Variants in ITGB3 observed in about 807,000 individuals in gnomAD.
ITGB3 encodes the protein integrin subunit beta 3.
ITGB3 carries 48 observed loss-of-function variants against 85.8 expected under a neutral mutation model. That is an observed-to-expected ratio of 0.56 (90% confidence interval 0.44 to 0.71). ITGB3 has a LOEUF of 0.71. Ranked by LOEUF, ITGB3 falls within the 30% of genes least tolerant of loss-of-function variation. The pLI, the probability that ITGB3 is intolerant of heterozygous loss-of-function variation, is 0.00. For missense variants in ITGB3, 861 were observed against 1,019.1 expected, an observed-to-expected ratio of 0.84 and a Z score of 2.11; for synonymous variants, 363 against 395.6, an observed-to-expected ratio of 0.92 and a Z score of 0.98.
intron 10 of ITGB3, among the ~76,000 whole-genome samples, chr17:47,295,900 C>T (rs992387387): frequency 2.0e-5 from 3 of 152,190 alleles, no homozygotes; most frequent in Non-Finnish European, 4.4e-5. Flanking sequence ...CTGTCTTGCC[C>T]CTAGATGTTG....
At chr17:47,291,201 G>A (rs1446428554) in intron 9 of ITGB3, 113 bp downstream of exon 9, 1 of 1,240,528 alleles carries the variant, frequency 8.1e-7, no homozygotes, top group Non-Finnish European at 1.2e-6. Context: ...AAAAATATGG[G>A]CAAGAAAAAT....
chr17:47,297,875 CTG>C (rs1248115556), intron 10 of ITGB3, among the ~76,000 whole-genome samples: 4 of 97,290 alleles, frequency 4.1e-5, no homozygotes, highest in Non-Finnish European at 8.2e-5. Context: ...GGGTGAGACT[CTG>C]TCTCAAAAAA....
chr17:47,295,639 C>A (rs890912790), intron 10 of ITGB3, among the ~76,000 whole-genome samples: 4 of 152,168 alleles, frequency 2.6e-5, no homozygotes, highest in Non-Finnish European at 4.4e-5. Context: ...CTTTGTTTAG[C>A]CTCACAAAGG....
intron 5 of ITGB3, 84 bp from the exon 6 acceptor site, chr17:47,286,986 C>A: frequency 1.4e-6 from 2 of 1,416,056 alleles, no homozygotes; most frequent in Non-Finnish European, 2.0e-6. Context: ...AGCCAGGGAG[C>A]ACCTTGGGTC....
intron 1 of ITGB3, among the ~76,000 whole-genome samples, chr17:47,256,203 C>T (rs1043902027): frequency 6.6e-6 from 1 of 152,026 alleles, no homozygotes; most frequent in African/African-American, 2.4e-5. Context: ...CGGTGGCTCA[C>T]GCCTGTAATC....
In ITGB3 at chr17:47,299,551, G is replaced by A. The variant is rs145826408; in HGVS notation, c.1913+21G>A. 3.0e-5 allele frequency: 49 copies of A among 1,608,422 alleles called. No homozygotes were observed. The East Asian group carries it at 1.1e-3, about 36-fold the overall frequency. On this transcript the variant is annotated intron_variant, in intron 11 of 14. Coordinates refer to ENST00000559488, the MANE Select transcript of ITGB3 (RefSeq NM_000212.3). The surrounding 1 kb of genome is among the most constrained non-coding windows in gnomAD (Gnocchi z 5.1). ...AAGAAGTGAGTGTGGAGTCTGGAGA[G>A]AGCCGGGAGGCTGGGAGGTAGGAGA...
chr17:47,300,427 G>T (rs748120221), intron 11 of ITGB3, 51 bp from the exon 12 acceptor site: 1 of 1,354,944 alleles, frequency 7.4e-7, no homozygotes, highest in East Asian at 2.3e-5. Flanking sequence ...ACTGGGATAC[G>T]CTTAGGCTTG....
rs548495900 is a variant in ITGB3 at position 47,253,919 on chromosome 17, C to T, written c.58C>T (p.Leu20=). ...LWATVLALGA[L]AGVGVGGPNI... is the part of the protein sequence containing the mutation. ...GGCGACTGTGCTGGCGCTGGGGGCG[C>T]TGGCGGGCGTTGGCGTAGGAGGTGA... is the stretch of plus-strand genomic sequence containing the variant. The change falls in exon 1 of 15, where the codon CTG becomes TTG. Residue 20 remains leucine, a synonymous_variant. Coordinates refer to ENST00000559488, the MANE Select transcript of ITGB3 (RefSeq NM_000212.3). 6.1e-4 allele frequency: 869 copies of T among 1,414,502 alleles called. 5 individuals are homozygous for T. The African/African-American group carries it at 0.012, about 19-fold the overall frequency. The allele number at this position is 1,414,502 out of a possible 1,614,324, so 87.6% of individuals were successfully genotyped here.
intron 12 of ITGB3, among the ~76,000 whole-genome samples, 179 bp from the exon 13 acceptor site, chr17:47,302,538 CAGTG>C (rs1448276581): frequency 6.6e-6 from 1 of 152,218 alleles, no homozygotes; most frequent in African/African-American, 2.4e-5. Flanking sequence ...CAAAATACAT[CAGTG>C]AGTGTCAGTG....
In ITGB3 at chr17:47,289,752, T is replaced by A. The variant is rs1409889401; in HGVS notation, c.1011T>A (p.Thr337=). The A allele has an allele frequency of 5.0e-6, 8 of 1,613,844 alleles. No homozygotes were observed. The East Asian group carries it at 1.8e-4, about 36-fold the overall frequency. Residue 337 remains threonine, a synonymous_variant, in exon 7 of 15, where the codon ACT becomes ACA. Transcript: ENST00000559488. ...ACATCAATTTGATCTTTGCAGTGACTGAAAATGTAGTCAATCTCTATCAGG... is the reference window on the plus strand; with the variant it reads ...ACATCAATTTGATCTTTGCAGTGACAGAAAATGTAGTCAATCTCTATCAGG... The part of the protein sequence containing the change: ...QKNINLIFAV[T]ENVVNLYQNY...
At chr17:47,267,694 C>A (rs1198762883) in intron 1 of ITGB3, among the ~76,000 whole-genome samples, 1 of 152,166 alleles carries the variant, frequency 6.6e-6, no homozygotes, top group Non-Finnish European at 1.5e-5. Flanking sequence ...CCTCTGGGGT[C>A]AGGGACCATT....
In ITGB3 at chr17:47,261,605, C is replaced by T. The variant is rs148921761; in HGVS notation, c.79+7665C>T. Reference sequence around the variant, plus strand: ...TGTGATCCCAGCTCACTGCAACCTCCGCCTCCTGGGTTCAAGCAATTCTCC... The same window carrying T: ...TGTGATCCCAGCTCACTGCAACCTCTGCCTCCTGGGTTCAAGCAATTCTCC... On this transcript the variant is annotated intron_variant, in intron 1 of 14. Coordinates refer to ENST00000559488, the MANE Select transcript of ITGB3 (RefSeq NM_000212.3). Among the ~76,000 whole-genome samples, 49 of 151,586 alleles carry T rather than the reference C, an allele frequency of 3.2e-4. No homozygotes were observed. In the East Asian group the frequency reaches 8.8e-3, roughly 27 times the overall value.
chr17:47,264,461 A>G (rs963358703), intron 1 of ITGB3, among the ~76,000 whole-genome samples: 1 of 152,204 alleles, frequency 6.6e-6, no homozygotes, highest in Non-Finnish European at 1.5e-5. Context: ...TACATTTCTA[A>G]TTGAATAATA....
chr17:47,282,714 G>A (rs572159349), intron 2 of ITGB3, among the ~76,000 whole-genome samples: 10 of 152,258 alleles, frequency 6.6e-5, no homozygotes, highest in South Asian at 2.1e-4. Context: ...AGTCTAGCCC[G>A]TGTCAAATAC....
At chr17:47,304,562 T>C (rs970206309) in intron 13 of ITGB3, among the ~76,000 whole-genome samples, 5 of 152,194 alleles carry the variant, frequency 3.3e-5, no homozygotes, top group African/African-American at 1.2e-4. Flanking sequence ...TATCTGAAAT[T>C]CAGATTTGTC....
At chr17:47,280,326 T>C (rs2065079368) in intron 2 of ITGB3, among the ~76,000 whole-genome samples, 1 of 152,000 alleles carries the variant, frequency 6.6e-6, no homozygotes, top group African/African-American at 2.4e-5. Flanking sequence ...ACTTTAAGCA[T>C]TGGGAAGGGT....
At chr17:47,257,215 G>A (rs1455280223) in intron 1 of ITGB3, among the ~76,000 whole-genome samples, 1 of 152,222 alleles carries the variant, frequency 6.6e-6, no homozygotes, top group Non-Finnish European at 1.5e-5. Flanking sequence ...TATGCGCTAT[G>A]CAGGCTTCCA....
At chr17:47,304,720 G>A (rs969149734) in intron 13 of ITGB3, among the ~76,000 whole-genome samples, 4 of 152,204 alleles carry the variant, frequency 2.6e-5, no homozygotes, top group African/African-American at 9.6e-5. Context: ...CAATTCTCCT[G>A]CCTCAGCCTC....
At chr17:47,263,560 GC>G (rs2065015988) in intron 1 of ITGB3, among the ~76,000 whole-genome samples, 1 of 144,740 alleles carries the variant, frequency 6.9e-6, no homozygotes, top group East Asian at 2.1e-4. Flanking sequence ...CACGATCTTG[GC>G]TCACTGCAAA....
Sources: gnomAD v4.1 joint callset for allele counts (sites outside exome capture counted in the v4.1 genomes callset) on GRCh38, gnomAD v4.1.1 for gene constraint, Gnocchi (gnomAD v3.1) non-coding constraint, MANE v1.5 for transcripts, NCBI Gene and HGNC (gene_info 2026-07-23, HGNC 2026-07-21) for gene names.